OTOG: variants seen among roughly 807,000 people sequenced by gnomAD.
OTOG encodes otogelin.
In OTOG, 296 loss-of-function variants were observed where a neutral mutation model predicts 313.8. That is an observed-to-expected ratio of 0.94 (90% CI 0.86 to 1.04). The LOEUF (loss-of-function observed/expected upper bound fraction) is 1.04, where lower values mean the gene tolerates loss of function less well. Ranked by LOEUF, OTOG falls within the 50% of genes least tolerant of loss-of-function variation. The pLI, the probability that OTOG is intolerant of heterozygous loss-of-function variation, is 0.00. For synonymous variants in OTOG, 1,533 were observed against 1,554.9 expected, an observed-to-expected ratio of 0.99 and a Z score of 0.33; for missense variants, 3,948 against 3,840.1, an observed-to-expected ratio of 1.03 and a Z score of -0.74.
chr11:17,559,930 G>GAA (rs1565092368), intron 12 of OTOG, among the ~76,000 whole-genome samples: 5 of 103,648 alleles, frequency 4.8e-5, no homozygotes, highest in African/African-American at 3.4e-4. Context: ...GGAAGGGAGG[G>GAA]AAGGAAGGAA....
chr11:17,641,373 C>G (rs1049496176), intron 51 of OTOG, among the ~76,000 whole-genome samples: 1 of 152,186 alleles, frequency 6.6e-6, no homozygotes, highest in African/African-American at 2.4e-5. Context: ...CATTCCCTGT[C>G]CCTTTGGTTT....
chr11:17,602,393 G>A lies in OTOG; in HGVS notation c.3877+16G>A, dbSNP rs1446704842. The A allele has an allele frequency of 6.5e-7, 1 of 1,545,162 alleles. No individual in the cohort carries two copies. The highest frequency in any genetic ancestry group is 8.7e-7 in the Non-Finnish European group (1 of 1,143,416). On this transcript the variant is annotated intron_variant, in intron 32 of 55. Transcript: ENST00000399397. The stretch of plus-strand genomic sequence containing the variant: ...AAGGCCCATGGTAAGGCCCATCCCA[G>A]TCCCACTCCAGCTCTTCTGGGAGGC...
intron 30 of OTOG, 104 bp from the exon 31 acceptor site, chr11:17,599,567 C>G: frequency 7.7e-7 from 1 of 1,300,102 alleles, no homozygotes; most frequent in Non-Finnish European, 1.1e-6. Flanking sequence ...CCAGGCCCAG[C>G]ACTTGGGGAA....
intron 3 of OTOG, among the ~76,000 whole-genome samples, chr11:17,551,290 C>T (rs149555514): frequency 2.6e-5 from 4 of 152,164 alleles, no homozygotes; most frequent in African/African-American, 7.2e-5. Flanking sequence ...TCATCTAGTC[C>T]TGTGGTGACT....
At chr11:17,629,948 G>T (rs11024348) in intron 40 of OTOG, among the ~76,000 whole-genome samples, 38,906 of 151,918 alleles carry the variant, frequency 0.26, 5,611 homozygotes, top group African/African-American at 0.39. Context: ...TACCATGATT[G>T]TGACGATGGG....
In OTOG at chr11:17,615,424, CAA is replaced by C. The variant is rs948613975; in HGVS notation, c.6528+1725_6528+1726del. Among the ~76,000 whole-genome samples, 117 of 152,242 alleles carry C rather than the reference CAA, an allele frequency of 7.7e-4. 2 individuals are homozygous for C. The highest frequency in any genetic ancestry group is 2.6e-3 in the African/African-American group (108 of 41,528). ...GGTGTTGTACTTGATGAACCTTGCC[CAA>C]AGTCACACAGAATCTCTCTTATGTT... On this transcript the variant is annotated intron_variant, in intron 39 of 55. Transcript: ENST00000399397.
At chr11:17,639,525 C>T (rs773635626) in intron 49 of OTOG, 62 bp downstream of exon 49, 2 of 1,493,606 alleles carry the variant, frequency 1.3e-6, no homozygotes, top group Non-Finnish European at 1.8e-6. Flanking sequence ...CCTCTCTATC[C>T]CCTCCTCTAG....
At chr11:17,594,552 G>A (rs1390779275) in intron 28 of OTOG, among the ~76,000 whole-genome samples, 1 of 152,178 alleles carries the variant, frequency 6.6e-6, no homozygotes, top group African/African-American at 2.4e-5. Context: ...CTTCCTGAAG[G>A]AGATGAGAGT....
intron 23 of OTOG, among the ~76,000 whole-genome samples, chr11:17,584,446 T>C (rs1852746578): frequency 6.6e-6 from 1 of 152,196 alleles, no homozygotes; most frequent in Non-Finnish European, 1.5e-5. Context: ...TTGCAAATGA[T>C]CTTTATCAGA....
chr11:17,611,493 A>C (rs1285935856), intron 36 of OTOG, 70 bp downstream of exon 36: 2 of 1,396,456 alleles, frequency 1.4e-6, no homozygotes, highest in East Asian at 5.0e-5. Context: ...CTTCCCTGCT[A>C]GATGGAGTTT....
Position 17,645,634 on chromosome 11 carries a change from C to G in OTOG, c.8532C>G (p.Ser2844Arg), listed in dbSNP as rs1041935628. 1 of 1,550,596 alleles carries G rather than the reference C, an allele frequency of 6.4e-7. No individual in the cohort carries two copies. The highest frequency in any genetic ancestry group is 1.4e-5 in the African/African-American group (1 of 73,068). The change falls in exon 55 of 56, where the codon AGC becomes AGG. Residue 2844 changes from serine to arginine, a missense_variant. Ser to Arg is a moderately radical substitution (Grantham distance 110). Transcript: ENST00000399397. The stretch of plus-strand genomic sequence containing the variant: ...CCATCCGCAAGAATGAATGCAGGAG[C>G]AGCACCCCTGTGCGTGGTGCCCACA... ...RMTIRKNECR[S>R]STPVNLVSCD...
intron 39 of OTOG, among the ~76,000 whole-genome samples, chr11:17,616,018 C>T (rs1853710109): frequency 6.6e-6 from 1 of 152,092 alleles, no homozygotes; most frequent in Admixed American, 6.5e-5. Flanking sequence ...GTCTTGATTA[C>T]CATTACTTAT....
At position 17,633,672 on chromosome 11, in the gene OTOG, C is replaced by T. The variant is rs1246629344; in HGVS notation, c.7073-8C>T. 7.2e-6 allele frequency: 11 copies of T among 1,518,022 alleles called. No homozygotes were observed. The East Asian group carries it at 2.7e-4, about 38-fold the overall frequency. The allele number at this position is 1,518,022 out of a possible 1,614,324, so 94.0% of individuals were successfully genotyped here. A position where few individuals can be genotyped will look rare whatever the true frequency, so the allele number is the denominator to read the frequency against. Reference sequence around the variant, plus strand: ...GAGGTAGGCCTGGTGCCCACTGTGCCCCTGCAGCCTTCCTGTGCTCCAGCG... The same window carrying T: ...GAGGTAGGCCTGGTGCCCACTGTGCTCCTGCAGCCTTCCTGTGCTCCAGCG... On this transcript the variant is annotated splice_polypyrimidine_tract_variant and splice_region_variant and intron_variant, in intron 42 of 55. Transcript: ENST00000399397.
chr11:17,551,247 C>T (rs1333568734), intron 3 of OTOG, among the ~76,000 whole-genome samples: 1 of 152,170 alleles, frequency 6.6e-6, no homozygotes, highest in Non-Finnish European at 1.5e-5. Flanking sequence ...TTAGACGTCT[C>T]GGACTGGAGT....
intron 22 of OTOG, 111 bp downstream of exon 22, chr11:17,577,022 C>T (rs1239123675): frequency 7.3e-6 from 8 of 1,095,778 alleles, no homozygotes; most frequent in Non-Finnish European, 9.1e-6. Flanking sequence ...TTTTGCCCTA[C>T]ATTGGGCCTT....
In OTOG at chr11:17,612,205, G is replaced by A; in HGVS notation, c.6167G>A (p.Gly2056Asp). 1 of 1,549,790 alleles carries A rather than the reference G, an allele frequency of 6.5e-7. No individual in the cohort carries two copies. The highest frequency in any genetic ancestry group is 8.7e-7 in the Non-Finnish European group (1 of 1,147,002). Residue 2056 changes from glycine to aspartate, a missense_variant, in exon 37 of 56, where the codon GGC becomes GAC. By Grantham distance (94) the Gly-to-Asp change is moderately conservative (BLOSUM62 -1). Coordinates refer to ENST00000399397, the MANE Select transcript of OTOG (RefSeq NM_001292063.2). ...QDCVRHICLEGQLIRVNQSQH... is the reference protein window; with the variant it reads ...QDCVRHICLEDQLIRVNQSQH... ...TGCGTCCGCCACATCTGCCTGGAGGGCCAGCTGATTCGCGTGAATCAGTCC... is the reference window on the plus strand; with the variant it reads ...TGCGTCCGCCACATCTGCCTGGAGGACCAGCTGATTCGCGTGAATCAGTCC...
At chr11:17,605,748 G>T in intron 32 of OTOG, 109 bp from the exon 33 acceptor site, 1 of 1,245,278 alleles carries the variant, frequency 8.0e-7, no homozygotes, top group Non-Finnish European at 1.1e-6. Flanking sequence ...TGGTCTGCAG[G>T]CGTGCTGCCA....
chr11:17,567,864 T>G (rs1050422057), intron 15 of OTOG, among the ~76,000 whole-genome samples: 4 of 151,890 alleles, frequency 2.6e-5, no homozygotes, highest in African/African-American at 9.7e-5. Context: ...CTTGGTTTTC[T>G]AATCTGCAAA....
At chr11:17,556,796 G>A (rs991688818) in intron 7 of OTOG, among the ~76,000 whole-genome samples, 4 of 152,166 alleles carry the variant, frequency 2.6e-5, no homozygotes, top group Admixed American at 2.6e-4. Context: ...CTTGGCTTCT[G>A]TTTCCACTTG....
Sources: gnomAD v4.1 joint callset for allele counts (sites outside exome capture counted in the v4.1 genomes callset) on GRCh38, gnomAD v4.1.1 for gene constraint, MANE v1.5 for transcripts, NCBI Gene and HGNC (gene_info 2026-07-23, HGNC 2026-07-21) for gene names.